KIFC1: variants seen among roughly 807,000 people sequenced by gnomAD.
KIFC1 encodes the protein kinesin family member C1.
KIFC1 carries 37 observed loss-of-function variants against 66.6 expected under a neutral mutation model. The ratio of observed to expected loss-of-function variants is 0.56; its 90% CI spans 0.43 to 0.73. The LOEUF (loss-of-function observed/expected upper bound fraction) is 0.73. Ranked by LOEUF, KIFC1 falls within the 30% of genes least tolerant of loss-of-function variation. The pLI is 0.00. For missense variants in KIFC1, 721 were observed against 859.8 expected, an observed-to-expected ratio of 0.84 and a Z score of 2.02; for synonymous variants, 325 against 343.5, an observed-to-expected ratio of 0.95 and a Z score of 0.60.
Position 33,401,704 on chromosome 6 carries a change from CT to C in KIFC1, c.251-1595del, listed in dbSNP as rs9280440. ...ATAACAATGCTTTCTTCTGGATTGC[CT>C]TTTTTTTTTTTTTTGAGACGGAGTC... On this transcript the variant is annotated intron_variant, in intron 3 of 10. Coordinates refer to ENST00000428849, the MANE Select transcript of KIFC1 (RefSeq NM_002263.4). The surrounding 1 kb of genome is among the most constrained non-coding windows in gnomAD (Gnocchi z 4.5). Among the ~76,000 whole-genome samples, 117,794 of 129,854 alleles carry C rather than the reference CT, an allele frequency of 0.91. 53,367 individuals are homozygous for C. The highest frequency in any genetic ancestry group is 0.98 in the East Asian group (4,411 of 4,480). The allele number at this position is 129,854 out of a possible 152,430, so 85.2% of individuals were successfully genotyped here.
chr6:33,391,861 C>A lies in KIFC1; in HGVS notation c.-125C>A. 1 of 1,163,834 alleles carries A rather than the reference C, an allele frequency of 8.6e-7. No individual in the cohort carries two copies. Among genetic ancestry groups the A allele is most frequent in the Non-Finnish European group, 1.2e-6 (1 of 801,038 alleles). The allele number at this position is 1,163,834 out of a possible 1,614,324, so 72.1% of individuals were successfully genotyped here. ...GGCGGGTGTGGCGCGGGGCTGGTAGCGGCCGGAGCCGTGCGAGTTCTCTAC... is the reference window on the plus strand; with the variant it reads ...GGCGGGTGTGGCGCGGGGCTGGTAGAGGCCGGAGCCGTGCGAGTTCTCTAC... On this transcript the variant is annotated 5_prime_UTR_variant, in exon 1 of 11. Transcript: ENST00000428849.
rs1317857484 is a variant in KIFC1, at chr6:33,405,713, G to A, written c.1536+82G>A. 3.1e-5 allele frequency: 41 copies of A among 1,321,986 alleles called. No homozygotes were observed. In the South Asian group the frequency reaches 4.7e-4, roughly 15 times the overall value. 81.9% of individuals were successfully genotyped at this position (1,321,986 alleles called of 1,614,324 possible). On this transcript the variant is annotated intron_variant, in intron 7 of 10. Transcript: ENST00000428849. The surrounding 1 kb of genome is among the most constrained non-coding windows in gnomAD (Gnocchi z 5.4). Reference sequence around the variant, plus strand: ...GAGATGGAGGTAGAGGGAGAAAGGAGCAAGAGAGAATTGAAGGATGAAGTG... The same window carrying A: ...GAGATGGAGGTAGAGGGAGAAAGGAACAAGAGAGAATTGAAGGATGAAGTG...
rs1357231201 is a variant in KIFC1 at position 33,405,485 on chromosome 6, A to T, written c.1390A>T (p.Ile464Phe). Residue 464 changes from isoleucine to phenylalanine, a missense_variant, in exon 7 of 11, where the codon ATC becomes TTC. By Grantham distance (21) the Ile-to-Phe change is conservative. Coordinates refer to ENST00000428849, the MANE Select transcript of KIFC1 (RefSeq NM_002263.4). This position sits in a 1 kb window ranked among gnomAD's most constrained non-coding sequence, Gnocchi z 5.4. Reference sequence around the variant, plus strand: ...CAGCTTTGTAGCAAGCTACGTAGAGATCTACAATGAGACTGTCCGGGACCT... The same window carrying T: ...CAGCTTTGTAGCAAGCTACGTAGAGTTCTACAATGAGACTGTCCGGGACCT... ...TYSFVASYVEIYNETVRDLLA... is the reference protein window; with the variant it reads ...TYSFVASYVEFYNETVRDLLA... 1 of 1,612,582 alleles carries T rather than the reference A, an allele frequency of 6.2e-7. No individual in the cohort carries two copies. The highest frequency in any genetic ancestry group is 8.5e-7 in the Non-Finnish European group (1 of 1,179,316).
intron 3 of KIFC1, 53 bp downstream of exon 3, chr6:33,398,440 A>G (rs2151085699): frequency 7.4e-6 from 9 of 1,223,658 alleles, no homozygotes; most frequent in Non-Finnish European, 1.1e-5. Flanking sequence ...AGTGCTCTTC[A>G]ACTCACTTGT....
rs1390637562 is a variant in KIFC1, at chr6:33,391,829, C to T, written c.-157C>T. The T allele has an allele frequency of 1.1e-6, 1 of 885,484 alleles. No individual in the cohort carries two copies. The highest frequency in any genetic ancestry group is 1.8e-6 in the Non-Finnish European group (1 of 546,736). The allele number at this position is 885,484 out of a possible 1,614,324, so 54.9% of individuals were successfully genotyped here. A position where few individuals can be genotyped will look rare whatever the true frequency, so the allele number is the denominator to read the frequency against. ...AGAGTGGGTGGTGGCCGTTGGAATTCAAAAGTGGCGGGTGTGGCGCGGGGC... is the reference window on the plus strand; with the variant it reads ...AGAGTGGGTGGTGGCCGTTGGAATTTAAAAGTGGCGGGTGTGGCGCGGGGC... On this transcript the variant is annotated 5_prime_UTR_variant, in exon 1 of 11. Transcript: ENST00000428849.
intron 1 of KIFC1, among the ~76,000 whole-genome samples, chr6:33,396,164 T>C (rs1358154261): frequency 6.6e-6 from 1 of 152,230 alleles, no homozygotes; most frequent in Non-Finnish European, 1.5e-5. Flanking sequence ...CTCTGTGAAC[T>C]TCCTTGAGTA....
rs894785953 is a variant in KIFC1 at position 33,409,720 on chromosome 6, T to C, written c.*30T>C. ...GGATCCAGATCTGTGTGTGTGTGTG[T>C]GTGTGTGTGTGTGTGTGTGTGTGTG... On this transcript the variant is annotated 3_prime_UTR_variant, in exon 11 of 11. Coordinates refer to ENST00000428849, the MANE Select transcript of KIFC1 (RefSeq NM_002263.4). The C allele has an allele frequency of 3.2e-6, 4 of 1,243,852 alleles. No homozygotes were observed. In the African/African-American group the frequency reaches 4.6e-5, roughly 14 times the overall value. The allele number at this position is 1,243,852 out of a possible 1,614,324, so 77.1% of individuals were successfully genotyped here.
Position 33,409,731 on chromosome 6 carries a change from G to GTCCC in KIFC1, c.*42_*43insCCCT. The GTCCC allele has an allele frequency of 7.0e-7, 1 of 1,422,200 alleles. No individual in the cohort carries two copies. The highest frequency in any genetic ancestry group is 9.8e-7 in the Non-Finnish European group (1 of 1,019,942). The allele number at this position is 1,422,200 out of a possible 1,614,324, so 88.1% of individuals were successfully genotyped here. A position where few individuals can be genotyped will look rare whatever the true frequency, so the allele number is the denominator to read the frequency against. On this transcript the variant is annotated 3_prime_UTR_variant, in exon 11 of 11. Coordinates refer to ENST00000428849, the MANE Select transcript of KIFC1 (RefSeq NM_002263.4). ...TGTGTGTGTGTGTGTGTGTGTGTGT[G>GTCCC]TGTGTGTGTGTGTGTGTGTGTGTCC... is the stretch of plus-strand genomic sequence containing the variant.
rs148906071 is a variant in KIFC1, at chr6:33,398,036, C to T, written c.20C>T (p.Pro7Leu). MDPQRSPLLEVKGNIEL... is the reference protein window; with the variant it reads MDPQRSLLLEVKGNIEL... ...GGTCTCTTTTCCCAACAGAGGTCCC[C>T]CCTATTGGAAGTAAAGGGGAACATA... Residue 7 changes from proline (P) to leucine (L), a missense_variant, in exon 2 of 11, where the codon CCC (proline) becomes CTC (leucine). Coordinates refer to ENST00000428849, the MANE Select transcript of KIFC1 (RefSeq NM_002263.4). 2 of 1,613,906 alleles carry T rather than the reference C, an allele frequency of 1.2e-6. No homozygotes were observed. Among genetic ancestry groups the T allele is most frequent in the Non-Finnish European group, 1.7e-6 (2 of 1,180,034 alleles).
At chr6:33,407,689 CT>C (rs1775725467) in intron 10 of KIFC1, among the ~76,000 whole-genome samples, 1 of 152,234 alleles carries the variant, frequency 6.6e-6, no homozygotes, top group African/African-American at 2.4e-5. Flanking sequence ...GTTTTTCAGA[CT>C]ATTCCAAATA....
intron 10 of KIFC1, among the ~76,000 whole-genome samples, chr6:33,408,623 A>T (rs1775759731): frequency 6.6e-6 from 1 of 152,224 alleles, no homozygotes; most frequent in Non-Finnish European, 1.5e-5. Context: ...ATAAATGCTG[A>T]ATTATTTATT....
Position 33,404,074 on chromosome 6 carries a change from A to G in KIFC1, c.701A>G (p.Gln234Arg). 1 of 1,614,172 alleles carries G rather than the reference A, an allele frequency of 6.2e-7. No homozygotes were observed. Among genetic ancestry groups the G allele is most frequent in the African/African-American group, 1.3e-5 (1 of 75,062 alleles). The stretch of plus-strand genomic sequence containing the variant: ...TTGGTGCAAGAGCTTCAGAAAAAAC[A>G]GGTGGAATTGCAGGAAGAACGGAGG... The part of the protein sequence containing the change: ...EGLVQELQKK[Q>R]VELQEERRGL... Residue 234 changes from glutamine to arginine, a missense_variant, in exon 6 of 11, where the codon CAG (glutamine) becomes CGG (arginine). Transcript: ENST00000428849. The surrounding 1 kb of genome is among the most constrained non-coding windows in gnomAD (Gnocchi z 4.0).
chr6:33,407,704 T>C (rs956932759), intron 10 of KIFC1, among the ~76,000 whole-genome samples: 1 of 152,226 alleles, frequency 6.6e-6, no homozygotes, highest in South Asian at 2.1e-4. Flanking sequence ...CCAAATAGTG[T>C]GAATTCAGAC....
intron 1 of KIFC1, among the ~76,000 whole-genome samples, chr6:33,396,864 A>G (rs758700789): frequency 5.9e-5 from 9 of 151,676 alleles, no homozygotes; most frequent in South Asian, 2.1e-4. Context: ...TGTATTTTTT[A>G]GTAGAGACGG....
chr6:33,407,030 T>G, intron 10 of KIFC1, 155 bp downstream of exon 10: 1 of 1,429,764 alleles, frequency 7.0e-7, no homozygotes. Context: ...TTTTTAATTA[T>G]TAGCTTTTGA....
Position 33,391,869 on chromosome 6 carries a change from GC to G in KIFC1, c.-115del. On this transcript the variant is annotated 5_prime_UTR_variant, in exon 1 of 11. Coordinates refer to ENST00000428849, the MANE Select transcript of KIFC1 (RefSeq NM_002263.4). Reference sequence around the variant, plus strand: ...TGGCGCGGGGCTGGTAGCGGCCGGAGCCGTGCGAGTTCTCTACCCTGCTTCG... The same window carrying G: ...TGGCGCGGGGCTGGTAGCGGCCGGAGCGTGCGAGTTCTCTACCCTGCTTCG... 7.9e-7 allele frequency: 1 copy of G among 1,267,918 alleles called. No homozygotes were observed. Among genetic ancestry groups the G allele is most frequent in the Non-Finnish European group, 1.1e-6 (1 of 887,312 alleles). 78.5% of individuals were successfully genotyped at this position (1,267,918 alleles called of 1,614,324 possible).
chr6:33,403,955 G>C lies in KIFC1; in HGVS notation c.582G>C (p.Lys194Asn), dbSNP rs952702013. 6 of 1,614,146 alleles carry C rather than the reference G, an allele frequency of 3.7e-6. No individual in the cohort carries two copies. In the African/African-American group the frequency reaches 8.0e-5, roughly 22 times the overall value. The change falls in exon 6 of 11, where the codon AAG becomes AAC. Residue 194 changes from lysine to asparagine, a missense_variant. By Grantham distance (94) the Lys-to-Asn change is moderately conservative. Coordinates refer to ENST00000428849, the MANE Select transcript of KIFC1 (RefSeq NM_002263.4). The surrounding 1 kb of genome is among the most constrained non-coding windows in gnomAD (Gnocchi z 4.6). Reference sequence around the variant, plus strand: ...CAACACTGGAGGGGCATTTAGCCAAGGTACAGGCCCAGGCTGAGCAGGGCC... The same window carrying C: ...CAACACTGGAGGGGCATTTAGCCAACGTACAGGCCCAGGCTGAGCAGGGCC... ...ERTTLEGHLA[K>N]VQAQAEQGQQ... is the part of the protein sequence containing the mutation.
Position 33,406,208 on chromosome 6 carries a change from C to G in KIFC1, c.1549C>G (p.Leu517Val). 1 of 1,605,728 alleles carries G rather than the reference C, an allele frequency of 6.2e-7. No homozygotes were observed. Among genetic ancestry groups the G allele is most frequent in the Non-Finnish European group, 8.5e-7 (1 of 1,173,958 alleles). ...VSCEKEVDAL[L>V]HLARQNRAVA... Reference sequence around the variant, plus strand: ...CTCCCATCCCCAGGTGGACGCCCTGCTTCATCTGGCCCGCCAGAATCGGGC... The same window carrying G: ...CTCCCATCCCCAGGTGGACGCCCTGGTTCATCTGGCCCGCCAGAATCGGGC... Residue 517 changes from leucine (L) to valine (V), a missense_variant, in exon 8 of 11, where the codon CTT becomes GTT. Leu to Val is a conservative substitution (Grantham distance 32). Coordinates refer to ENST00000428849, the MANE Select transcript of KIFC1 (RefSeq NM_002263.4). This position sits in a 1 kb window ranked among gnomAD's most constrained non-coding sequence, Gnocchi z 4.5.
At chr6:33,398,222 A>G in intron 2 of KIFC1, 56 bp downstream of exon 2, 2 of 1,613,566 alleles carry the variant, frequency 1.2e-6, no homozygotes, top group Non-Finnish European at 1.7e-6. Context: ...TGTGTGAAAG[A>G]AAGGAGAGAG....
Sources: gnomAD v4.1 joint callset for allele counts (sites outside exome capture counted in the v4.1 genomes callset) on GRCh38, gnomAD v4.1.1 for gene constraint, Gnocchi (gnomAD v3.1) non-coding constraint, MANE v1.5 for transcripts, NCBI Gene and HGNC (gene_info 2026-07-23, HGNC 2026-07-21) for gene names.